The following RPAP2 variants were observed in gnomAD, a reference collection of about 807,000 sequenced individuals.
The protein encoded by RPAP2 is putative RNA polymerase II subunit B1 CTD phosphatase RPAP2.
A neutral mutation model predicts 73.1 loss-of-function variants in RPAP2; 52 were observed. The ratio of observed to expected loss-of-function variants is 0.71; its 90% confidence interval spans 0.57 to 0.90. The LOEUF (loss-of-function observed/expected upper bound fraction) is 0.90. Ranked by LOEUF, RPAP2 falls within the 40% of genes least tolerant of loss-of-function variation. The pLI is 0.00. For missense variants in RPAP2, 598 were observed against 701.8 expected, an observed-to-expected ratio of 0.85 and a Z score of 1.67; for synonymous variants, 225 against 242.1, an observed-to-expected ratio of 0.93 and a Z score of 0.65.
At chr1:92,321,568 G>A (rs1652266707) in intron 7 of RPAP2, among the ~76,000 whole-genome samples, 1 of 151,900 alleles carries the variant, frequency 6.6e-6, no homozygotes, top group African/African-American at 2.4e-5. Flanking sequence ...CTGTGCTTTA[G>A]AGCATCCTTG....
chr1:92,363,670 A>G (rs1654818391), intron 11 of RPAP2: 1 of 289,214 alleles, frequency 3.5e-6, no homozygotes, highest in Non-Finnish European at 6.8e-6. Context: ...CACTTAAGAT[A>G]GCAAGACCAA....
chr1:92,323,956 CAAGT>C lies in RPAP2; in HGVS notation c.1037_1040del (p.Gln346ArgfsTer24), dbSNP rs1472617572. ...TAAGAGAAAATTTGCCAAATCAAAC[CAAGT>C]GTCTAGGTCAGTGTCTAGTTCAGTG... On this transcript the variant is annotated frameshift_variant, in exon 8 of 13. Transcript: ENST00000610020. LOFTEE classifies it high-confidence loss of function. 6.2e-7 allele frequency: 1 copy of C among 1,614,092 alleles called. No homozygotes were observed.
intron 6 of RPAP2, among the ~76,000 whole-genome samples, chr1:92,317,231 C>T (rs773638522): frequency 3.0e-4 from 45 of 152,058 alleles, no homozygotes; most frequent in African/African-American, 1.0e-3. Flanking sequence ...GTTGAAGGCT[C>T]GGTGCGGTGG....
intron 10 of RPAP2, among the ~76,000 whole-genome samples, chr1:92,337,329 A>G (rs1481876718): frequency 6.6e-6 from 1 of 152,156 alleles, no homozygotes; most frequent in Non-Finnish European, 1.5e-5. Flanking sequence ...CATACTGTAC[A>G]TTAGTAACAC....
At chr1:92,334,719 G>A (rs1309885038) in intron 9 of RPAP2, among the ~76,000 whole-genome samples, 1 of 152,036 alleles carries the variant, frequency 6.6e-6, no homozygotes, top group African/African-American at 2.4e-5. Flanking sequence ...GAGTGCAGTG[G>A]CTCACACCTG....
intron 8 of RPAP2, 103 bp from the exon 9 acceptor site, chr1:92,333,288 C>T (rs1012865466): frequency 1.4e-5 from 12 of 851,782 alleles, no homozygotes; most frequent in African/African-American, 1.2e-4. Context: ...TCCTACTGTG[C>T]CACAGATACA....
In RPAP2 at chr1:92,394,502, AACTAGCCAGGCATGGTGCTGCAC is replaced by A. The variant is rs1334486345; in HGVS notation, c.*7494_*7516del. The A allele has an allele frequency of 6.6e-6, 1 of 152,098 alleles. No individual in the cohort carries two copies. Among genetic ancestry groups the A allele is most frequent in the Non-Finnish European group, 1.5e-5 (1 of 68,034 alleles). 9.4% of individuals were successfully genotyped at this position (152,098 alleles called of 1,614,324 possible). On this transcript the variant is annotated 3_prime_UTR_variant, in exon 13 of 13. Transcript: ENST00000610020. The stretch of plus-strand genomic sequence containing the variant: ...AAAAAATAATTATTAAATTTTAAAA[AACTAGCCAGGCATGGTGCTGCAC>A]ACCTGTAGTCCCAGCTACTTGAGAG...
At chr1:92,382,376 A>G (rs1371955061) in intron 12 of RPAP2, among the ~76,000 whole-genome samples, 1 of 152,236 alleles carries the variant, frequency 6.6e-6, no homozygotes, top group Non-Finnish European at 1.5e-5. Context: ...ACTAGTTTAC[A>G]GTCCCACCAA....
rs1434551110 is a variant in RPAP2 at position 92,398,398 on chromosome 1, T to A, written c.*11387T>A. 1 of 152,178 alleles carries A rather than the reference T, an allele frequency of 6.6e-6. No homozygotes were observed. The highest frequency in any genetic ancestry group is 2.4e-5 in the African/African-American group (1 of 41,440). 9.4% of individuals were successfully genotyped at this position (152,178 alleles called of 1,614,324 possible). A position where few individuals can be genotyped will look rare whatever the true frequency, so the allele number is the denominator to read the frequency against. On this transcript the variant is annotated 3_prime_UTR_variant, in exon 13 of 13. Coordinates refer to ENST00000610020, the MANE Select transcript of RPAP2 (RefSeq NM_024813.3). ...TCTTTTTAAGGTATTATTTAGCATC[T>A]TCTGCTTATAGTCATGTCCAAAAAC... is the stretch of plus-strand genomic sequence containing the variant.
At chr1:92,331,261 T>A (rs1652948629) in intron 8 of RPAP2, among the ~76,000 whole-genome samples, 1 of 152,240 alleles carries the variant, frequency 6.6e-6, no homozygotes, top group African/African-American at 2.4e-5. Flanking sequence ...CTTGTATTAA[T>A]GTGGTCAAGG....
chr1:92,374,840 TAAA>T (rs1018118952), intron 11 of RPAP2, among the ~76,000 whole-genome samples: 5 of 152,166 alleles, frequency 3.3e-5, no homozygotes, highest in African/African-American at 1.2e-4. Flanking sequence ...AGTGAGGGAT[TAAA>T]AAACTGCACA....
rs567308003 is a variant in RPAP2 at position 92,392,881 on chromosome 1, A to G, written c.*5870A>G. On this transcript the variant is annotated 3_prime_UTR_variant, in exon 13 of 13. Transcript: ENST00000610020. ...CCATGCTCATGGATAGGAAGAATCA[A>G]TATCATGACAATGGCCTTGTTGCCC... The G allele has an allele frequency of 6.6e-6, 1 of 152,388 alleles. No individual in the cohort carries two copies. Among genetic ancestry groups the G allele is most frequent in the South Asian group, 2.1e-4 (1 of 4,832 alleles). The allele number at this position is 152,388 out of a possible 1,614,324, so 9.4% of individuals were successfully genotyped here. A position where few individuals can be genotyped will look rare whatever the true frequency, so the allele number is the denominator to read the frequency against.
intron 12 of RPAP2, among the ~76,000 whole-genome samples, 186 bp from the exon 13 acceptor site, chr1:92,386,825 C>T (rs184940467): frequency 1.3e-3 from 203 of 152,114 alleles, no homozygotes; most frequent in African/African-American, 4.5e-3. Flanking sequence ...CTCATCCTTC[C>T]GAGTAGCTGG....
In RPAP2 at chr1:92,393,657, A is replaced by T. The variant is rs1418903548; in HGVS notation, c.*6646A>T. The T allele has an allele frequency of 1.3e-5, 2 of 152,156 alleles. No homozygotes were observed. Among genetic ancestry groups the T allele is most frequent in the African/African-American group, 4.8e-5 (2 of 41,430 alleles). The allele number at this position is 152,156 out of a possible 1,614,324, so 9.4% of individuals were successfully genotyped here. ...AAAAAGCAAACAACCCCATCAAAAA[A>T]TGGGCAAAGGATATGAACAGATACT... On this transcript the variant is annotated 3_prime_UTR_variant, in exon 13 of 13. Transcript: ENST00000610020.
chr1:92,344,860 A>G (rs547449477), intron 10 of RPAP2, among the ~76,000 whole-genome samples: 31 of 152,146 alleles, frequency 2.0e-4, no homozygotes, highest in African/African-American at 6.5e-4. Context: ...GTCCATTTCA[A>G]ATTTCCTCCT....
chr1:92,358,113 C>T (rs1416101949), intron 11 of RPAP2, among the ~76,000 whole-genome samples: 2 of 152,134 alleles, frequency 1.3e-5, no homozygotes, highest in African/African-American at 4.8e-5. Context: ...AGATCTGGAG[C>T]CAGATCTGAT....
Position 92,363,055 on chromosome 1 carries a change from CCTT to C in RPAP2, c.1688+17144_1688+17146del, listed in dbSNP as rs1310834438. Among the ~76,000 whole-genome samples the C allele has an allele frequency of 2.6e-5, 4 of 152,108 alleles. No individual in the cohort carries two copies. The East Asian group carries it at 7.7e-4, about 29-fold the overall frequency. ...TGAAAGTAGGAGTAAAATCTATACT[CCTT>C]CTCCAGGGGGAAAAAAATGCACATT... On this transcript the variant is annotated intron_variant, in intron 11 of 12. Transcript: ENST00000610020.
At chr1:92,305,407 G>A (rs561658963) in intron 5 of RPAP2, among the ~76,000 whole-genome samples, 23 of 94,742 alleles carry the variant, frequency 2.4e-4, no homozygotes, top group Admixed American at 1.1e-3. Context: ...CATTCCAGCC[G>A]GGGCAACAGA....
intron 11 of RPAP2, among the ~76,000 whole-genome samples, chr1:92,371,526 C>T (rs1375961940): frequency 2.6e-5 from 4 of 151,182 alleles, no homozygotes; most frequent in Admixed American, 6.6e-5. Flanking sequence ...TGGAATCAGC[C>T]GAAGTGTCCA....
Sources: gnomAD v4.1 joint callset for allele counts (sites outside exome capture counted in the v4.1 genomes callset) on GRCh38, gnomAD v4.1.1 for gene constraint, MANE v1.5 for transcripts, NCBI Gene and HGNC (gene_info 2026-07-23, HGNC 2026-07-21) for gene names.